TMTC2: variants seen among roughly 807,000 people sequenced by gnomAD.
TMTC2 encodes protein O-mannosyl-transferase TMTC2.
Under a neutral mutation model 82.4 loss-of-function variants are expected in TMTC2, and 43 were observed. The observed-to-expected ratio is 0.52, with a 90% confidence interval of 0.41 to 0.67. TMTC2 has a LOEUF of 0.67. Among genes scored for constraint, TMTC2 ranks in the 30% least tolerant of loss-of-function variants. TMTC2 has a pLI of 0.00. For missense variants in TMTC2, 919 were observed against 1,012.4 expected, an observed-to-expected ratio of 0.91 and a Z score of 1.25; for synonymous variants, 408 against 381.9, an observed-to-expected ratio of 1.07 and a Z score of -0.80.
intron 4 of TMTC2, among the ~76,000 whole-genome samples, chr12:82,942,301 C>A (rs1217144843): frequency 6.6e-6 from 1 of 152,026 alleles, no homozygotes; most frequent in African/African-American, 2.4e-5. Context: ...GAAGTATATA[C>A]TTGTATTCTG....
At chr12:83,121,631 C>T (rs1307616572) in intron 11 of TMTC2, among the ~76,000 whole-genome samples, 1 of 152,062 alleles carries the variant, frequency 6.6e-6, no homozygotes, top group Non-Finnish European at 1.5e-5. Flanking sequence ...GCTGGTTGGC[C>T]TCCTGCTGGG....
intron 1 of TMTC2, among the ~76,000 whole-genome samples, chr12:82,733,017 A>G (rs528406158): frequency 6.6e-6 from 1 of 152,320 alleles, no homozygotes; most frequent in East Asian, 1.9e-4. Flanking sequence ...AATATATAAG[A>G]CATCTTTTTA....
intron 1 of TMTC2, among the ~76,000 whole-genome samples, chr12:82,772,461 A>G (rs1000052912): frequency 1.2e-4 from 18 of 152,182 alleles, no homozygotes; most frequent in Admixed American, 3.3e-4. Context: ...TTATAATTCT[A>G]TCTTCACTTA....
At chr12:83,090,304 A>G (rs941346189) in intron 11 of TMTC2, among the ~76,000 whole-genome samples, 7 of 152,230 alleles carry the variant, frequency 4.6e-5, no homozygotes, top group African/African-American at 1.2e-4. Flanking sequence ...CAAATGAAAT[A>G]TAATCACCAC....
chr12:82,927,129 G>A (rs751784248), intron 3 of TMTC2, among the ~76,000 whole-genome samples: 1 of 152,162 alleles, frequency 6.6e-6, no homozygotes, highest in Non-Finnish European at 1.5e-5. Context: ...CCCTGGATTA[G>A]TCTGGGTAAA....
intron 10 of TMTC2, among the ~76,000 whole-genome samples, chr12:83,055,553 T>C (rs1272248729): frequency 1.3e-5 from 2 of 152,076 alleles, no homozygotes; most frequent in Non-Finnish European, 2.9e-5. Context: ...TTTATTCTAT[T>C]AGAAACATTT....
chr12:82,989,153 A>G (rs1158118149), intron 8 of TMTC2, among the ~76,000 whole-genome samples: 2 of 152,000 alleles, frequency 1.3e-5, no homozygotes, highest in African/African-American at 2.4e-5. Flanking sequence ...TATGATAGCA[A>G]CATGATTTTC....
At chr12:82,776,767 G>A (rs1485743469) in intron 1 of TMTC2, among the ~76,000 whole-genome samples, 1 of 151,988 alleles carries the variant, frequency 6.6e-6, no homozygotes. Flanking sequence ...GTGACAGCCT[G>A]TCTCAAAACA....
chr12:82,932,965 A>AT (rs1255810968), intron 4 of TMTC2, among the ~76,000 whole-genome samples: 1 of 152,208 alleles, frequency 6.6e-6, no homozygotes, highest in Non-Finnish European at 1.5e-5. Context: ...CTGTGGATGC[A>AT]TATATAAGTC....
At chr12:82,829,445 A>G in intron 1 of TMTC2, among the ~76,000 whole-genome samples, 1 of 152,134 alleles carries the variant, frequency 6.6e-6, no homozygotes, top group East Asian at 1.9e-4. Flanking sequence ...TTGTTTTTAG[A>G]GTGGCTTTTC....
At chr12:82,920,217 C>CT (rs1187701900) in intron 3 of TMTC2, among the ~76,000 whole-genome samples, 1 of 152,056 alleles carries the variant, frequency 6.6e-6, no homozygotes, top group Non-Finnish European at 1.5e-5. Context: ...TCTTAAAAAA[C>CT]TTTCTCAAAT....
intron 1 of TMTC2, chr12:82,690,384 G>A (rs1240336427): frequency 7.1e-6 from 7 of 985,280 alleles, no homozygotes; most frequent in African/African-American, 1.7e-5. Flanking sequence ...AAGGGAGATG[G>A]CTGTTATTCC....
In TMTC2 at chr12:82,913,879, T is replaced by C. The variant is rs139996150; in HGVS notation, c.1484-16552T>C. ...ATCCCTGCATACTCAATTCCCACAG[T>C]TGGCCCTGCAGAACCAGAATATAGG... On this transcript the variant is annotated intron_variant, in intron 3 of 11. Transcript: ENST00000321196. 2.6e-3 allele frequency among the ~76,000 whole-genome samples: 397 copies of C among 152,344 alleles called. 1 individual carries two copies. The highest frequency in any genetic ancestry group is 9.3e-3 in the African/African-American group (387 of 41,580).
At chr12:82,714,465 C>T (rs1402658243) in intron 1 of TMTC2, among the ~76,000 whole-genome samples, 1 of 151,990 alleles carries the variant, frequency 6.6e-6, no homozygotes, top group African/African-American at 2.4e-5. Flanking sequence ...TTGTGTCTGT[C>T]CTTTTTTTTA....
At position 82,855,378 on chromosome 12, in the gene TMTC2, G is replaced by T. The variant is rs1034425548; in HGVS notation, c.84-1632G>T. ...CAACCTGCTTTTCGGTAATACTCAT[G>T]TGGAAATTTCTCTGATCACACCTGC... is the stretch of plus-strand genomic sequence containing the variant. On this transcript the variant is annotated intron_variant, in intron 1 of 11. Transcript: ENST00000321196. 2.6e-5 allele frequency among the ~76,000 whole-genome samples: 4 copies of T among 152,270 alleles called. No individual in the cohort carries two copies. The South Asian group carries it at 8.3e-4, about 32-fold the overall frequency.
intron 1 of TMTC2, among the ~76,000 whole-genome samples, chr12:82,697,516 G>A (rs182715105): frequency 8.5e-5 from 13 of 152,232 alleles, no homozygotes; most frequent in Admixed American, 5.9e-4. Flanking sequence ...AGTATAAGGT[G>A]TGCTTGTTAT....
chr12:82,909,626 C>CACCGT (rs1488515792), intron 3 of TMTC2, among the ~76,000 whole-genome samples: 1 of 152,174 alleles, frequency 6.6e-6, no homozygotes, highest in Non-Finnish European at 1.5e-5. Flanking sequence ...AGGCATGAGC[C>CACCGT]ACCGTGCCTG....
At chr12:82,865,207 C>G (rs1871782778) in intron 2 of TMTC2, among the ~76,000 whole-genome samples, 1 of 152,022 alleles carries the variant, frequency 6.6e-6, no homozygotes, top group African/African-American at 2.4e-5. Flanking sequence ...GTCTGGACAA[C>G]AAGAGCAAGA....
At chr12:82,798,558 C>T (rs867646515) in intron 1 of TMTC2, among the ~76,000 whole-genome samples, 11 of 149,642 alleles carry the variant, frequency 7.4e-5, no homozygotes, top group African/African-American at 2.2e-4. Flanking sequence ...GTAATCCCAG[C>T]GCTTTGGGAG....
Sources: allele counts gnomAD v4.1 joint callset (sites outside exome capture counted in the v4.1 genomes callset), GRCh38; gene constraint gnomAD v4.1.1; transcripts MANE v1.5; gene names NCBI Gene and HGNC (gene_info 2026-07-23, HGNC 2026-07-21).